CSMD2: variants seen among roughly 807,000 people sequenced by gnomAD.
CSMD2 encodes CUB and sushi domain-containing protein 2.
In CSMD2, 130 loss-of-function variants were observed where a neutral mutation model predicts 398.5. The ratio of observed to expected loss-of-function variants is 0.33; its 90% CI spans 0.28 to 0.38. The LOEUF (loss-of-function observed/expected upper bound fraction) is 0.38. CSMD2 is among the 10% of genes least tolerant of loss of function. The probability of loss-of-function intolerance (pLI) is 1.00; values close to 1 mark genes in which losing one functional copy is unlikely to be tolerated. For synonymous variants in CSMD2, 1,828 were observed against 1,908.5 expected (o/e 0.96, Z 1.10); for missense variants, 3,829 against 4,764.9 (o/e 0.80, Z 5.78).
chr1:33,765,933 G>A lies in CSMD2; in HGVS notation c.1846+6636C>T, dbSNP rs555766773. 3.2e-4 allele frequency among the ~76,000 whole-genome samples: 49 copies of A among 152,286 alleles called. No individual in the cohort carries two copies. The South Asian group carries it at 4.8e-3, about 15-fold the overall frequency. On this transcript the variant is annotated intron_variant, in intron 13 of 70. Transcript: ENST00000373381. ...TCCTAGACAGGGCTGGAACCAGGTC[G>A]GCTGAAGAAAGGCCAAGACTGAAGT...
chr1:34,143,662 C>A (rs1160505526), intron 1 of CSMD2, among the ~76,000 whole-genome samples: 1 of 152,122 alleles, frequency 6.6e-6, no homozygotes, highest in Admixed American at 6.5e-5. Context: ...TAGCTCAACA[C>A]AACTTGGTTA....
At chr1:33,553,857 C>T (rs185878806) in intron 55 of CSMD2, among the ~76,000 whole-genome samples, 26 of 152,208 alleles carry the variant, frequency 1.7e-4, no homozygotes, top group Admixed American at 1.3e-3. Flanking sequence ...TTGGCATCCA[C>T]CTACCATGGA....
intron 3 of CSMD2, among the ~76,000 whole-genome samples, chr1:33,954,786 A>G (rs1570616974): frequency 6.6e-6 from 1 of 152,166 alleles, no homozygotes; most frequent in East Asian, 1.9e-4. Context: ...AAAGCAGAAT[A>G]GAGGTTACCA....
chr1:33,891,539 T>C (rs61769905), intron 5 of CSMD2, among the ~76,000 whole-genome samples: 13 of 151,752 alleles, frequency 8.6e-5, no homozygotes, highest in East Asian at 5.8e-4. Flanking sequence ...CCCAGCCATC[T>C]CATTACTGGG....
rs61771360 is a variant in CSMD2, at chr1:33,983,929, G to A, written c.518-47975C>T. ...GCACCAAGGGAGGCCAAGGCAGGTG[G>A]ATCACCTAAGGTCAGGAGTTAAAGA... On this transcript the variant is annotated intron_variant, in intron 3 of 70. Coordinates refer to ENST00000373381, the MANE Select transcript of CSMD2 (RefSeq NM_001281956.2). 8.3e-3 allele frequency among the ~76,000 whole-genome samples: 1,262 copies of A among 152,222 alleles called. 11 individuals are homozygous for A. The highest frequency in any genetic ancestry group is 0.023 in the South Asian group (113 of 4,822).
chr1:33,775,158 G>A lies in CSMD2; in HGVS notation c.1664-2407C>T, dbSNP rs112326552. ...ATCATGACAAATAATATCTTAGTGC[G>A]ATATTTTTTTCTAGAAAATTACAAT... is the stretch of plus-strand genomic sequence containing the variant. On this transcript the variant is annotated intron_variant, in intron 12 of 70. Coordinates refer to ENST00000373381, the MANE Select transcript of CSMD2 (RefSeq NM_001281956.2). Among the ~76,000 whole-genome samples, 407 of 152,182 alleles carry A rather than the reference G, an allele frequency of 2.7e-3. 1 individual carries two copies. The highest frequency in any genetic ancestry group is 8.9e-3 in the African/African-American group (370 of 41,512).
intron 1 of CSMD2, among the ~76,000 whole-genome samples, chr1:34,093,518 TA>T (rs1658901462): frequency 6.6e-6 from 1 of 151,926 alleles, no homozygotes; most frequent in Non-Finnish European, 1.5e-5. Flanking sequence ...GAAAAAAATT[TA>T]GAAGAATGTA....
At chr1:34,042,192 CAG>C (rs1026688474) in intron 2 of CSMD2, among the ~76,000 whole-genome samples, 3 of 152,178 alleles carry the variant, frequency 2.0e-5, no homozygotes, top group Non-Finnish European at 4.4e-5. Flanking sequence ...ACATAGAAGA[CAG>C]GGAAAGACGG....
chr1:33,537,230 A>C lies in CSMD2; in HGVS notation c.9806-135T>G. 1 of 1,135,100 alleles carries C rather than the reference A, an allele frequency of 8.8e-7. No homozygotes were observed. 70.3% of individuals were successfully genotyped at this position (1,135,100 alleles called of 1,614,324 possible). ...CCCTGCCCACTGAGATCCCCACCTG[A>C]GCCTTGGCCCTGGCTGTCTATTTGA... On this transcript the variant is annotated intron_variant, in intron 61 of 70. Coordinates refer to ENST00000373381, the MANE Select transcript of CSMD2 (RefSeq NM_001281956.2). This position sits in a 1 kb window ranked among gnomAD's most constrained non-coding sequence, Gnocchi z 4.6.
At chr1:33,808,133 A>T (rs1424499814) in intron 10 of CSMD2, among the ~76,000 whole-genome samples, 1 of 152,088 alleles carries the variant, frequency 6.6e-6, no homozygotes, top group African/African-American at 2.4e-5. Flanking sequence ...ATGAAGCAAA[A>T]ATTGACAGAA....
At chr1:33,587,000 G>T (rs914932510) in intron 45 of CSMD2, 88 bp downstream of exon 45, 3 of 967,210 alleles carry the variant, frequency 3.1e-6, no homozygotes, top group African/African-American at 3.3e-5. Flanking sequence ...CAGGGGATAA[G>T]GTCCACTGGC....
chr1:33,677,671 C>A (rs369312103), intron 25 of CSMD2, among the ~76,000 whole-genome samples: 1 of 151,906 alleles, frequency 6.6e-6, no homozygotes, highest in African/African-American at 2.4e-5. Context: ...ATGTTTATGG[C>A]GGCACTATTC....
rs557826437 is a variant in CSMD2 at position 33,611,632 on chromosome 1, TAATC to T, written c.6134-386_6134-383del. ...ATTTAAAAATAACACCCCCAATACT[TAATC>T]AAAAGACAAGACCTTCAATACTGCT... On this transcript the variant is annotated intron_variant, in intron 40 of 70. Coordinates refer to ENST00000373381, the MANE Select transcript of CSMD2 (RefSeq NM_001281956.2). Among the ~76,000 whole-genome samples, 499 of 152,302 alleles carry T rather than the reference TAATC, an allele frequency of 3.3e-3. 6 individuals carry two copies. Among genetic ancestry groups the T allele is most frequent in the African/African-American group, 0.011 (477 of 41,566 alleles).
Position 33,560,435 on chromosome 1 carries a change from C to T in CSMD2, c.8381-962G>A, listed in dbSNP as rs866682465. ...CATCCCTCTGATTCCCCCTTTCTCCCAGTGGTATAGCTCACTCTATTTGGC... is the reference window on the plus strand; with the variant it reads ...CATCCCTCTGATTCCCCCTTTCTCCTAGTGGTATAGCTCACTCTATTTGGC... On this transcript the variant is annotated intron_variant, in intron 53 of 70. Coordinates refer to ENST00000373381, the MANE Select transcript of CSMD2 (RefSeq NM_001281956.2). 5.3e-5 allele frequency among the ~76,000 whole-genome samples: 8 copies of T among 152,330 alleles called. No individual in the cohort carries two copies. The South Asian group carries it at 8.3e-4, about 16-fold the overall frequency.
intron 5 of CSMD2, among the ~76,000 whole-genome samples, chr1:33,881,793 A>G (rs1384241712): frequency 1.3e-5 from 2 of 152,216 alleles, no homozygotes; most frequent in Non-Finnish European, 2.9e-5. Flanking sequence ...AATAAAATGC[A>G]TTAGTACTGT....
rs1200829240 is a variant in CSMD2 at position 33,684,516 on chromosome 1, G to A, written c.4052+8414C>T. Among the ~76,000 whole-genome samples, 6 of 152,196 alleles carry A rather than the reference G, an allele frequency of 3.9e-5. No individual in the cohort carries two copies. In the East Asian group the frequency reaches 5.8e-4, roughly 15 times the overall value. On this transcript the variant is annotated intron_variant, in intron 25 of 70. Coordinates refer to ENST00000373381, the MANE Select transcript of CSMD2 (RefSeq NM_001281956.2). ...TAGCTTCAACCCGAACCACATTTGC[G>A]CATAAGAAATGACTCAGTTCTTTTG...
intron 3 of CSMD2, among the ~76,000 whole-genome samples, chr1:33,990,414 A>C (rs772851176): frequency 4.9e-4 from 74 of 152,172 alleles, no homozygotes; most frequent in Non-Finnish European, 1.0e-3. Context: ...TTAAACAGTT[A>C]TTTAATTGGA....
At position 34,132,966 on chromosome 1, in the gene CSMD2, CTT is replaced by C. The variant is rs59095706; in HGVS notation, c.187+31943_187+31944del. On this transcript the variant is annotated intron_variant, in intron 1 of 70. Coordinates refer to ENST00000373381, the MANE Select transcript of CSMD2 (RefSeq NM_001281956.2). ...CACACACACAAACACACACACACACCTTTTTTTTTTTTTTGGTTCTATTTCTC... is the reference window on the plus strand; with the variant it reads ...CACACACACAAACACACACACACACCTTTTTTTTTTTTGGTTCTATTTCTC... 6.0e-3 allele frequency among the ~76,000 whole-genome samples: 865 copies of C among 144,362 alleles called. 7 individuals carry two copies. Among genetic ancestry groups the C allele is most frequent in the African/African-American group, 0.021 (818 of 39,502 alleles). 94.7% of individuals were successfully genotyped at this position (144,362 alleles called of 152,430 possible).
intron 44 of CSMD2, among the ~76,000 whole-genome samples, chr1:33,598,330 T>C (rs1639973849): frequency 6.6e-6 from 1 of 152,212 alleles, no homozygotes; most frequent in South Asian, 2.1e-4. Flanking sequence ...CCTAGTCCAG[T>C]GCCTCTCCCA....
Sources: allele counts gnomAD v4.1 joint callset (sites outside exome capture counted in the v4.1 genomes callset), GRCh38; gene constraint gnomAD v4.1.1; non-coding constraint Gnocchi (gnomAD v3.1); transcripts MANE v1.5; gene names NCBI Gene and HGNC (gene_info 2026-07-23, HGNC 2026-07-21).